The following SPEG variants were observed in gnomAD, a reference collection of about 807,000 sequenced individuals.
SPEG encodes striated muscle preferentially expressed protein kinase.
Under a neutral mutation model 300.4 loss-of-function variants are expected in SPEG, and 114 were observed. The ratio of observed to expected loss-of-function variants is 0.38; its 90% CI spans 0.33 to 0.44. The LOEUF (loss-of-function observed/expected upper bound fraction) is 0.44. Ranked by LOEUF, SPEG falls within the 20% of genes least tolerant of loss-of-function variation. The pLI is 1.00. For synonymous variants in SPEG, 1,964 were observed against 2,018.9 expected (o/e 0.97, Z 0.73); for missense variants, 4,201 against 4,586.2 (o/e 0.92, Z 2.43).
chr2:219,482,820 C>T lies in SPEG; in HGVS notation c.5602C>T (p.Leu1868=), dbSNP rs1692976828. The part of the protein sequence containing the change: ...AKGAEVSTDH[L]KLFLSRRRWQ... The stretch of plus-strand genomic sequence containing the variant: ...GGGCGCAGAGGTGAGCACGGATCAC[C>T]TGAAGCTATTCCTCTCCCGGCGGAG... Residue 1868 remains leucine, a synonymous_variant, in exon 29 of 41, where the codon CTG becomes TTG. Coordinates refer to ENST00000312358, the MANE Select transcript of SPEG (RefSeq NM_005876.5). The T allele has an allele frequency of 6.2e-7, 1 of 1,613,956 alleles. No homozygotes were observed. The highest frequency in any genetic ancestry group is 2.2e-5 in the East Asian group (1 of 44,880).
At chr2:219,488,455 G>A in intron 32 of SPEG, 43 bp from the exon 33 acceptor site, 2 of 1,541,846 alleles carry the variant, frequency 1.3e-6, no homozygotes, top group Non-Finnish European at 1.8e-6. Context: ...CTGGACATGT[G>A]CTGCCTCACT....
At chr2:219,450,949 CCTT>C in intron 4 of SPEG, 184 bp from the exon 5 acceptor site, 1 of 591,320 alleles carries the variant, frequency 1.7e-6, no homozygotes, top group Non-Finnish European at 2.9e-6. Flanking sequence ...CGAGAATGCT[CCTT>C]CTGACTTCCT....
Position 219,435,204 on chromosome 2 carries a change from G to T in SPEG, c.227G>T (p.Trp76Leu). 2 of 1,482,354 alleles carry T rather than the reference G, an allele frequency of 1.3e-6. No homozygotes were observed. The highest frequency in any genetic ancestry group is 2.8e-5 in the East Asian group (1 of 35,104). 91.8% of individuals were successfully genotyped at this position (1,482,354 alleles called of 1,614,324 possible). A position where few individuals can be genotyped will look rare whatever the true frequency, so the allele number is the denominator to read the frequency against. ...VSGTPQPSLR[W>L]FRDGQLLPAP... The stretch of plus-strand genomic sequence containing the variant: ...GGGACGCCCCAGCCCAGCCTCCGCT[G>T]GTTCCGGGATGGGCAGCTCCTGCCC... Residue 76 changes from tryptophan to leucine, a missense_variant, in exon 1 of 41, where the codon TGG becomes TTG. Transcript: ENST00000312358.
intron 10 of SPEG, among the ~76,000 whole-genome samples, 157 bp downstream of exon 10, chr2:219,467,591 T>C (rs936931062): frequency 4.1e-4 from 63 of 152,186 alleles, no homozygotes; most frequent in African/African-American, 1.4e-3. Flanking sequence ...CTCAATAAAA[T>C]AAGCACTTAG....
chr2:219,457,395 C>T (rs954107683), intron 6 of SPEG, among the ~76,000 whole-genome samples: 2 of 152,066 alleles, frequency 1.3e-5, no homozygotes, highest in Non-Finnish European at 2.9e-5. Context: ...CCAGCCTGGC[C>T]AACATAATGA....
rs909280537 is a variant in SPEG, at chr2:219,481,181, A to T, written c.5370-123A>T. ...GTCCGCAGCCTCACCTCTTACCCAC[A>T]TTTGCCCAGCCTCTGTCATCCTCAC... On this transcript the variant is annotated intron_variant, in intron 26 of 40. Coordinates refer to ENST00000312358, the MANE Select transcript of SPEG (RefSeq NM_005876.5). This position sits in a 1 kb window ranked among gnomAD's most constrained non-coding sequence, Gnocchi z 5.4. 1.8e-6 allele frequency: 2 copies of T among 1,083,694 alleles called. No homozygotes were observed. Among genetic ancestry groups the T allele is most frequent in the Non-Finnish European group, 2.7e-6 (2 of 736,164 alleles). The allele number at this position is 1,083,694 out of a possible 1,614,324, so 67.1% of individuals were successfully genotyped here. A position where few individuals can be genotyped will look rare whatever the true frequency, so the allele number is the denominator to read the frequency against.
In SPEG at chr2:219,444,703, C is replaced by T. The variant is rs549681973; in HGVS notation, c.439C>T (p.Leu147=). The change falls in exon 2 of 41, where the codon CTG becomes TTG. Residue 147 remains leucine (L), a synonymous_variant. Coordinates refer to ENST00000312358, the MANE Select transcript of SPEG (RefSeq NM_005876.5). The surrounding 1 kb of genome is among the most constrained non-coding windows in gnomAD (Gnocchi z 7.8). ...CAGCGATGTGCAGGGAACCCAGCGC[C>T]TGGAGCTTCGGGATGACGGGGCCTT... ...DISDVQGTQR[L]ELRDDGAFST... is the part of the protein sequence containing the mutation. The T allele has an allele frequency of 6.2e-7, 1 of 1,614,042 alleles. No individual in the cohort carries two copies. The highest frequency in any genetic ancestry group is 1.3e-5 in the African/African-American group (1 of 75,030).
chr2:219,439,954 G>A lies in SPEG; in HGVS notation c.388+4589G>A, dbSNP rs1342584705. ...GTGTCCAGGGTCCTCTGGCTGGAAC[G>A]AGTGTGGACACACATATGTGCCCTC... On this transcript the variant is annotated intron_variant, in intron 1 of 40. Transcript: ENST00000312358. This position sits in a 1 kb window ranked among gnomAD's most constrained non-coding sequence, Gnocchi z 4.5. Among the ~76,000 whole-genome samples the A allele has an allele frequency of 6.6e-6, 1 of 152,206 alleles. No individual in the cohort carries two copies. Among genetic ancestry groups the A allele is most frequent in the Non-Finnish European group, 1.5e-5 (1 of 68,046 alleles).
At chr2:219,462,083 G>C (rs1179470021) in intron 7 of SPEG, 26 bp downstream of exon 7, 2 of 1,568,536 alleles carry the variant, frequency 1.3e-6, no homozygotes, top group Non-Finnish European at 1.7e-6. Context: ...CTGGGGCCTA[G>C]CCTCCTGTGT....
At position 219,449,180 on chromosome 2, in the gene SPEG, G is replaced by C; in HGVS notation, c.2022G>C (p.Pro674=). ...CAGAGAAGAGGCTTCGCAGAGGGCC[G>C]GAGGAGGACGGTCCCTGGGGGCCCT... The part of the protein sequence containing the change: ...PEAEKRLRRG[P]EEDGPWGPWD... The change falls in exon 4 of 41, where the codon CCG becomes CCC. Residue 674 remains proline, a synonymous_variant. Coordinates refer to ENST00000312358, the MANE Select transcript of SPEG (RefSeq NM_005876.5). The C allele has an allele frequency of 1.4e-6, 2 of 1,395,302 alleles. No individual in the cohort carries two copies. Among genetic ancestry groups the C allele is most frequent in the East Asian group, 3.1e-5 (1 of 32,498 alleles). The allele number at this position is 1,395,302 out of a possible 1,614,324, so 86.4% of individuals were successfully genotyped here.
In SPEG at chr2:219,485,085, A is replaced by G; in HGVS notation, c.7609+13A>G. On this transcript the variant is annotated intron_variant, in intron 30 of 40. Coordinates refer to ENST00000312358, the MANE Select transcript of SPEG (RefSeq NM_005876.5). ...TCGGGCTCCTCAGGTGAGGAGGGGC[A>G]GGGGTAGGGCAGCAGGTGCAGAGGA... is the stretch of plus-strand genomic sequence containing the variant. 1.3e-6 allele frequency: 2 copies of G among 1,530,840 alleles called. No individual in the cohort carries two copies. The highest frequency in any genetic ancestry group is 1.7e-6 in the Non-Finnish European group (2 of 1,145,252). 94.8% of individuals were successfully genotyped at this position (1,530,840 alleles called of 1,614,324 possible). A position where few individuals can be genotyped will look rare whatever the true frequency, so the allele number is the denominator to read the frequency against.
intron 6 of SPEG, among the ~76,000 whole-genome samples, chr2:219,453,027 C>T (rs1689888220): frequency 1.3e-5 from 2 of 152,216 alleles, no homozygotes; most frequent in African/African-American, 4.8e-5. Flanking sequence ...CCCTCCTACC[C>T]CGCTGAATCA....
intron 6 of SPEG, chr2:219,461,485 T>C (rs745604607): frequency 1.8e-5 from 19 of 1,073,762 alleles, no homozygotes; most frequent in African/African-American, 6.8e-5. Context: ...CAGGGTTCCA[T>C]AGACCTGCTT....
Position 219,485,065 on chromosome 2 carries a change from C to G in SPEG, c.7602C>G (p.Gly2534=). ...GCTCCGAGGCCAGCGCCACGTCGGG[C>G]TCCTCAGGTGAGGAGGGGCAGGGGT... ...SLGSEASATS[G]SSAPGESRSR... The change falls in exon 30 of 41, where the codon GGC becomes GGG. Residue 2534 remains glycine (G), a synonymous_variant. Coordinates refer to ENST00000312358, the MANE Select transcript of SPEG (RefSeq NM_005876.5). The G allele has an allele frequency of 6.5e-7, 1 of 1,532,494 alleles. No homozygotes were observed. The highest frequency in any genetic ancestry group is 8.7e-7 in the Non-Finnish European group (1 of 1,146,012). The allele number at this position is 1,532,494 out of a possible 1,614,324, so 94.9% of individuals were successfully genotyped here.
In SPEG at chr2:219,448,421, G is replaced by C. The variant is rs1337815568; in HGVS notation, c.1263G>C (p.Pro421=). The change falls in exon 4 of 41, where the codon CCG becomes CCC. Residue 421 remains proline, a synonymous_variant. Transcript: ENST00000312358. ...GCCTGGAGCGCAGCGACTCGCCGCC[G>C]GCGCCCCTGCGGCCCTGGGTGCCCC... The part of the protein sequence containing the change: ...RRSLERSDSP[P]APLRPWVPLR... The C allele has an allele frequency of 2.6e-6, 4 of 1,523,808 alleles. No homozygotes were observed. Among genetic ancestry groups the C allele is most frequent in the Non-Finnish European group, 2.6e-6 (3 of 1,141,638 alleles). 94.4% of individuals were successfully genotyped at this position (1,523,808 alleles called of 1,614,324 possible).
intron 30 of SPEG, 101 bp downstream of exon 30, chr2:219,485,173 C>T (rs984417901): frequency 6.1e-6 from 9 of 1,482,586 alleles, no homozygotes; most frequent in Non-Finnish European, 8.2e-6. Context: ...CCACCAGGGG[C>T]AGGCTGAGGC....
rs1345731330 is a variant in SPEG at position 219,477,199 on chromosome 2, C to T, written c.4561-78C>T. 3 of 232,052 alleles carry T rather than the reference C, an allele frequency of 1.3e-5. No homozygotes were observed. Among genetic ancestry groups the T allele is most frequent in the African/African-American group, 4.3e-5 (2 of 46,116 alleles). The allele number at this position is 232,052 out of a possible 1,614,324, so 14.4% of individuals were successfully genotyped here. ...GGGTCCTGGTGAGAGATGCGCTGCC[C>T]AGAGTAGGAGATGAGGCCCTGGCCC... On this transcript the variant is annotated intron_variant, in intron 19 of 40. Transcript: ENST00000312358. This position sits in a 1 kb window ranked among gnomAD's most constrained non-coding sequence, Gnocchi z 6.4.
Position 219,464,425 on chromosome 2 carries a change from T to A in SPEG, c.2706-8T>A, listed in dbSNP as rs1559388123. The A allele has an allele frequency of 1.9e-6, 3 of 1,606,298 alleles. No individual in the cohort carries two copies. The highest frequency in any genetic ancestry group is 1.7e-4 in the Middle Eastern group (1 of 5,968). On this transcript the variant is annotated splice_region_variant and splice_polypyrimidine_tract_variant and intron_variant, in intron 8 of 40. Coordinates refer to ENST00000312358, the MANE Select transcript of SPEG (RefSeq NM_005876.5). The surrounding 1 kb of genome is among the most constrained non-coding windows in gnomAD (Gnocchi z 4.5). ...GGCCCTGGGACTGAGTTCTTGCCCC[T>A]CTGACAGGCTGAGAAACCGCCAGCC... is the stretch of plus-strand genomic sequence containing the variant.
chr2:219,483,586 GCAGCGC>G lies in SPEG; in HGVS notation c.6125_6130del (p.Gln2042_Arg2043del). The stretch of plus-strand genomic sequence containing the variant: ...ACAAGGCGGCGTCTGTGGAGCTGCC[GCAGCGC>G]CGGAGCCCCAGCCCGGGAGCCACCC... On this transcript the variant is annotated inframe_deletion, in exon 30 of 41. Transcript: ENST00000312358. 1 of 1,470,590 alleles carries G rather than the reference GCAGCGC, an allele frequency of 6.8e-7. No individual in the cohort carries two copies. The highest frequency in any genetic ancestry group is 8.9e-7 in the Non-Finnish European group (1 of 1,122,140). 91.1% of individuals were successfully genotyped at this position (1,470,590 alleles called of 1,614,324 possible).
Sources: gnomAD v4.1 joint callset for allele counts (sites outside exome capture counted in the v4.1 genomes callset) on GRCh38, gnomAD v4.1.1 for gene constraint, Gnocchi (gnomAD v3.1) non-coding constraint, MANE v1.5 for transcripts, NCBI Gene and HGNC (gene_info 2026-07-23, HGNC 2026-07-21) for gene names.